LIPA: variants seen among roughly 807,000 people sequenced by gnomAD.
LIPA encodes the protein lipase A, lysosomal acid type.
In LIPA, 26 loss-of-function variants were observed where a neutral mutation model predicts 40.6. The observed-to-expected ratio is 0.64, with a 90% confidence interval of 0.47 to 0.89. The LOEUF (loss-of-function observed/expected upper bound fraction) is 0.89, where lower values mean the gene tolerates loss of function less well. Among genes scored for constraint, LIPA ranks in the 40% least tolerant of loss-of-function variants. The probability of loss-of-function intolerance (pLI) is 0.00; values close to 1 mark genes in which losing one functional copy is unlikely to be tolerated. For synonymous variants in LIPA, 188 were observed against 168.4 expected (o/e 1.12, Z -0.90); for missense variants, 455 against 479.6 (o/e 0.95, Z 0.48).
rs999682572 is a variant in LIPA, at chr10:89,259,984, A to T, written c.-1-12335T>A. Among the ~76,000 whole-genome samples the T allele has an allele frequency of 6.1e-4, 93 of 152,186 alleles. 1 individual carries two copies. Among genetic ancestry groups the T allele is most frequent in the African/African-American group, 2.1e-3 (85 of 41,438 alleles). ...TCACTGTAGTGATGGTTTCACAGGT[A>T]TATACACATGTGAAAACTCATCAAA... is the stretch of plus-strand genomic sequence containing the variant. On this transcript the variant is annotated intron_variant, in intron 1 of 5. Transcript: ENST00000282673.
intron 1 of LIPA, among the ~76,000 whole-genome samples, chr10:89,337,762 C>G (rs1421341699): frequency 7.2e-5 from 11 of 152,230 alleles, no homozygotes. Context: ...CCTCCTCTTA[C>G]CCATCTTACC....
At chr10:89,250,092 T>C (rs867836844) in intron 1 of LIPA, among the ~76,000 whole-genome samples, 2 of 115,490 alleles carry the variant, frequency 1.7e-5, no homozygotes, top group Admixed American at 8.7e-5. Flanking sequence ...TTTTTCTTTT[T>C]CTTTTCTTTT....
intron 1 of LIPA, among the ~76,000 whole-genome samples, chr10:89,320,674 A>G (rs1265259419): frequency 1.3e-5 from 2 of 152,218 alleles, no homozygotes; most frequent in Non-Finnish European, 2.9e-5. Flanking sequence ...TGCCATCCCC[A>G]TCAAACTACC....
intron 2 of LIPA, among the ~76,000 whole-genome samples, chr10:89,401,120 T>C (rs955534515): frequency 2.9e-5 from 4 of 135,838 alleles, no homozygotes; most frequent in Non-Finnish European, 6.3e-5. Context: ...TTTAGATGAC[T>C]TTTTTTTTTT....
intron 1 of LIPA, among the ~76,000 whole-genome samples, chr10:89,274,455 C>T (rs965152695): frequency 6.6e-6 from 1 of 152,156 alleles, no homozygotes; most frequent in African/African-American, 2.4e-5. Context: ...GTGTTGGATA[C>T]AACTCTGCTC....
intron 1 of LIPA, among the ~76,000 whole-genome samples, chr10:89,298,907 AG>A (rs1235750372): frequency 1.3e-5 from 2 of 151,946 alleles, no homozygotes; most frequent in Non-Finnish European, 2.9e-5. Context: ...CACTTGAACC[AG>A]GGAGGCAGAG....
At position 89,364,793 on chromosome 10, in the gene LIPA, T is replaced by C. The variant is rs545137268; in HGVS notation, c.61+47998A>G. ...AAGTAGTGCTAGGTAGTGTGTAATA[T>C]ACTCTTTGCTCTTTCTCTGTATCCA... On this transcript the variant is annotated intron_variant, in intron 2 of 8. Transcript: ENST00000371837. Among the ~76,000 whole-genome samples the C allele has an allele frequency of 1.4e-4, 22 of 152,220 alleles. 2 individuals are homozygous for C. Among genetic ancestry groups the C allele is most frequent in the African/African-American group, 5.3e-4 (22 of 41,556 alleles).
chr10:89,412,179 C>T (rs1161696591), intron 2 of LIPA, among the ~76,000 whole-genome samples: 1 of 152,176 alleles, frequency 6.6e-6, no homozygotes, highest in Non-Finnish European at 1.5e-5. Context: ...AAATTCCCAT[C>T]AGCAATTGGG....
intron 2 of LIPA, chr10:89,362,976 C>A: frequency 3.8e-6 from 1 of 263,186 alleles, no homozygotes; most frequent in South Asian, 7.8e-5. Context: ...TATCCTTGCC[C>A]TGAAGCTTCA....
chr10:89,273,740 G>A (rs1158807061), intron 1 of LIPA, among the ~76,000 whole-genome samples: 1 of 152,200 alleles, frequency 6.6e-6, no homozygotes, highest in East Asian at 1.9e-4. Context: ...GTCATTTACA[G>A]CAAGAAGGCA....
chr10:89,262,267 G>T (rs1843214681), intron 1 of LIPA, among the ~76,000 whole-genome samples: 3 of 152,070 alleles, frequency 2.0e-5, no homozygotes, highest in Non-Finnish European at 4.4e-5. Flanking sequence ...ACAGTGGCAA[G>T]CTACTATGCA....
chr10:89,338,890 G>C, intron 1 of LIPA: 2 of 1,614,164 alleles, frequency 1.2e-6, no homozygotes, highest in Non-Finnish European at 8.5e-7. Context: ...GCAAGCTGAA[G>C]AGTTAATCCA....
chr10:89,373,230 G>A (rs552841104), intron 2 of LIPA, among the ~76,000 whole-genome samples: 5 of 151,702 alleles, frequency 3.3e-5, no homozygotes, highest in African/African-American at 1.2e-4. Context: ...AGCTACTCGG[G>A]AGGCTGAGGC....
intron 2 of LIPA, chr10:89,392,473 C>T (rs1490450941): frequency 1.1e-5 from 2 of 184,564 alleles, no homozygotes; most frequent in African/African-American, 5.3e-5. Flanking sequence ...CATTCCCCAC[C>T]CCCCCCCGTC....
At chr10:89,400,890 A>G (rs77322028) in intron 2 of LIPA, among the ~76,000 whole-genome samples, 3,846 of 152,030 alleles carry the variant, frequency 0.025, 110 homozygotes, top group African/African-American at 0.071. Flanking sequence ...GATACTAGCT[A>G]TAGGTTTTTC....
intron 1 of LIPA, among the ~76,000 whole-genome samples, chr10:89,267,822 G>A (rs1025043427): frequency 4.0e-5 from 6 of 150,786 alleles, no homozygotes; most frequent in East Asian, 1.9e-4. Flanking sequence ...TGCAGGTGCC[G>A]CCTGTCAACA....
chr10:89,373,334 C>CAAAAAAAAAAAAAAAAAAAAA (rs34479360), intron 2 of LIPA, among the ~76,000 whole-genome samples: 3 of 63,152 alleles, frequency 4.8e-5, no homozygotes, highest in African/African-American at 1.8e-4. Flanking sequence ...GACTCCCTCT[C>CAAAAAAAAAAAAAAAAAAAAA]AAAAAAAAAA....
At position 89,384,674 on chromosome 10, in the gene LIPA, G is replaced by A. The variant is rs749836927; in HGVS notation, c.61+28117C>T. 3.7e-6 allele frequency: 6 copies of A among 1,614,120 alleles called. No homozygotes were observed. In the African/African-American group the frequency reaches 4.0e-5, roughly 11 times the overall value. On this transcript the variant is annotated intron_variant, in intron 2 of 8. Transcript: ENST00000371837. The stretch of plus-strand genomic sequence containing the variant: ...ATCCACAAATTGAAAGGAGAAGTAA[G>A]TGATGCTTTGCTGTGCTATGAGAGG...
chr10:89,412,416 AC>A (rs1841476288), intron 2 of LIPA, among the ~76,000 whole-genome samples: 1 of 151,974 alleles, frequency 6.6e-6, no homozygotes, highest in African/African-American at 2.4e-5. Context: ...ACCAATCAGC[AC>A]TTTGTAAAGT....
Sources: allele counts gnomAD v4.1 joint callset (sites outside exome capture counted in the v4.1 genomes callset), GRCh38; gene constraint gnomAD v4.1.1; transcripts MANE v1.5; gene names NCBI Gene and HGNC (gene_info 2026-07-23, HGNC 2026-07-21).